Variants in GPC5 observed in about 807,000 individuals in gnomAD.
GPC5 encodes glypican-5.
GPC5 carries 47 observed loss-of-function variants against 53.9 expected under a neutral mutation model. That is an observed-to-expected ratio of 0.87 (90% CI 0.69 to 1.11). The LOEUF (loss-of-function observed/expected upper bound fraction) is 1.11, where lower values mean the gene tolerates loss of function less well. Ranked by LOEUF, GPC5 falls within the 50% of genes most tolerant of loss-of-function variation. GPC5 has a pLI of 0.00. For missense variants in GPC5, 748 were observed against 713.1 expected (o/e 1.05, Z -0.56); for synonymous variants, 286 against 263.3 (o/e 1.09, Z -0.84).
intron 7 of GPC5, among the ~76,000 whole-genome samples, chr13:92,599,626 G>A (rs922766718): frequency 8.5e-5 from 13 of 152,260 alleles, no homozygotes; most frequent in African/African-American, 1.9e-4. Context: ...GATGGTGGTC[G>A]GTTGGCCTTG....
chr13:92,544,976 T>A (rs868741961), intron 7 of GPC5, among the ~76,000 whole-genome samples: 22 of 152,076 alleles, frequency 1.4e-4, no homozygotes, highest in Non-Finnish European at 2.6e-4. Context: ...CGTGCAGGTT[T>A]GTTACATATG....
chr13:91,467,543 C>G (rs992148250), intron 2 of GPC5, among the ~76,000 whole-genome samples: 1 of 152,042 alleles, frequency 6.6e-6, no homozygotes, highest in Non-Finnish European at 1.5e-5. Context: ...TTTCTCTTTT[C>G]TCTGCTTTCC....
chr13:91,472,727 C>G (rs568737959), intron 2 of GPC5, among the ~76,000 whole-genome samples: 21 of 152,268 alleles, frequency 1.4e-4, no homozygotes, highest in African/African-American at 5.1e-4. Flanking sequence ...GATAGTTTTA[C>G]TGCTTTGTAA....
At chr13:92,584,382 C>A (rs1481893441) in intron 7 of GPC5, among the ~76,000 whole-genome samples, 2 of 152,138 alleles carry the variant, frequency 1.3e-5, no homozygotes, top group South Asian at 2.1e-4. Flanking sequence ...AAAAGACTTG[C>A]AGGATTTTGC....
At chr13:92,712,475 C>T (rs1016407604) in intron 7 of GPC5, among the ~76,000 whole-genome samples, 36 of 146,698 alleles carry the variant, frequency 2.5e-4, no homozygotes, top group African/African-American at 6.2e-4. Flanking sequence ...AAAAAAAAAA[C>T]GGCAAAATCA....
chr13:92,703,052 A>ATTTATTTATT (rs1887809099), intron 7 of GPC5, among the ~76,000 whole-genome samples: 20 of 145,806 alleles, frequency 1.4e-4, no homozygotes, highest in African/African-American at 4.8e-4. Context: ...GCATATATAT[A>ATTTATTTATT]TATTTATTTA....
At chr13:91,910,670 A>G (rs1245475204) in intron 6 of GPC5, among the ~76,000 whole-genome samples, 1 of 152,160 alleles carries the variant, frequency 6.6e-6, no homozygotes, top group Non-Finnish European at 1.5e-5. Context: ...ATTGTCTGCA[A>G]TTAGAGTCAC....
chr13:92,813,834 C>G (rs1437030959), intron 7 of GPC5, among the ~76,000 whole-genome samples: 2 of 152,126 alleles, frequency 1.3e-5, no homozygotes, highest in Middle Eastern at 3.4e-3. Context: ...TTAATCTGTA[C>G]ATTCAGTGGA....
intron 2 of GPC5, among the ~76,000 whole-genome samples, chr13:91,464,129 G>C (rs1358288797): frequency 6.6e-6 from 1 of 152,056 alleles, no homozygotes; most frequent in East Asian, 1.9e-4. Context: ...TACATGAAAA[G>C]ATATGCAACA....
chr13:92,732,150 G>A lies in GPC5; in HGVS notation c.1562-134132G>A, dbSNP rs114895417. ...TGACTTTTTACTTAGAAAAAGAACAGGTATTCCTCTCTTACCACTTTCAAA... is the reference window on the plus strand; with the variant it reads ...TGACTTTTTACTTAGAAAAAGAACAAGTATTCCTCTCTTACCACTTTCAAA... On this transcript the variant is annotated intron_variant, in intron 7 of 7. Transcript: ENST00000377067. 6.4e-3 allele frequency among the ~76,000 whole-genome samples: 977 copies of A among 151,522 alleles called. 10 individuals are homozygous for A. Among genetic ancestry groups the A allele is most frequent in the African/African-American group, 0.023 (935 of 41,470 alleles).
intron 7 of GPC5, among the ~76,000 whole-genome samples, chr13:92,503,475 T>G (rs1472240641): frequency 6.6e-6 from 1 of 151,490 alleles, no homozygotes; most frequent in Non-Finnish European, 1.5e-5. Flanking sequence ...TTGGATTATC[T>G]AAGATTCCAT....
intron 5 of GPC5, among the ~76,000 whole-genome samples, chr13:91,877,228 G>A (rs937896505): frequency 6.6e-6 from 1 of 152,214 alleles, no homozygotes; most frequent in African/African-American, 2.4e-5. Flanking sequence ...TCCCTACTGG[G>A]GCACTGCCTA....
At chr13:91,921,144 C>G (rs911828088) in intron 6 of GPC5, among the ~76,000 whole-genome samples, 34 of 151,752 alleles carry the variant, frequency 2.2e-4, no homozygotes, top group Admixed American at 2.0e-4. Flanking sequence ...ACTGTGTTGG[C>G]CAGGCTGGTC....
At chr13:92,779,860 T>C (rs562394466) in intron 7 of GPC5, among the ~76,000 whole-genome samples, 43 of 152,330 alleles carry the variant, frequency 2.8e-4, no homozygotes, top group African/African-American at 1.0e-3. Context: ...TTCTTAATTA[T>C]ATTTAGAAAT....
intron 7 of GPC5, among the ~76,000 whole-genome samples, chr13:92,290,779 C>T (rs200586375): frequency 6.6e-6 from 1 of 152,222 alleles, no homozygotes; most frequent in East Asian, 1.9e-4. Context: ...TGGGCTCCCA[C>T]TTTGGCGGCA....
chr13:91,921,688 A>G (rs1022711157), intron 6 of GPC5, among the ~76,000 whole-genome samples: 3 of 152,004 alleles, frequency 2.0e-5, no homozygotes, highest in Non-Finnish European at 4.4e-5. Context: ...GCTCATGTCT[A>G]TAATCCCAGC....
chr13:92,355,289 T>TA (rs386380217), intron 7 of GPC5, among the ~76,000 whole-genome samples: 3,828 of 143,564 alleles, frequency 0.027, 83 homozygotes, highest in African/African-American at 0.057. Flanking sequence ...TATATAAAGC[T>TA]AAAAAAAAAA....
At chr13:92,010,773 A>T (rs2040654344) in intron 6 of GPC5, among the ~76,000 whole-genome samples, 1 of 152,190 alleles carries the variant, frequency 6.6e-6, no homozygotes, top group African/African-American at 2.4e-5. Context: ...GGCATCTACA[A>T]GCCAGGAAGG....
At chr13:92,527,978 A>G (rs1328340897) in intron 7 of GPC5, among the ~76,000 whole-genome samples, 1 of 152,146 alleles carries the variant, frequency 6.6e-6, no homozygotes, top group African/African-American at 2.4e-5. Context: ...CACTATTCCA[A>G]TGTTGATTCA....
Sources: gnomAD v4.1 joint callset for allele counts (sites outside exome capture counted in the v4.1 genomes callset) on GRCh38, gnomAD v4.1.1 for gene constraint, MANE v1.5 for transcripts, NCBI Gene and HGNC (gene_info 2026-07-23, HGNC 2026-07-21) for gene names.